The following DAAM2 variants were observed in gnomAD, a reference collection of about 807,000 sequenced individuals.
The protein encoded by DAAM2 is dishevelled associated activator of morphogenesis 2, also known as disheveled-associated activator of morphogenesis 2.
A neutral mutation model predicts 120.7 loss-of-function variants in DAAM2; 39 were observed. The observed-to-expected ratio is 0.32, with a 90% CI of 0.25 to 0.42. DAAM2 has a LOEUF of 0.42. Ranked by LOEUF, DAAM2 falls within the 10% of genes least tolerant of loss-of-function variation. DAAM2 has a pLI of 1.00. For synonymous variants in DAAM2, 488 were observed against 524.9 expected (o/e 0.93, Z 0.96); for missense variants, 1,283 against 1,401.7 (o/e 0.92, Z 1.35).
intron 19 of DAAM2, 97 bp downstream of exon 19, chr6:39,891,819 T>G (rs934948964): frequency 1.1e-6 from 1 of 921,468 alleles, no homozygotes; most frequent in East Asian, 2.7e-5. Context: ...GAAACCCCTT[T>G]CTTATTCTCA....
intron 1 of DAAM2, chr6:39,821,157 C>G (rs561133103): frequency 2.6e-5 from 4 of 152,094 alleles, no homozygotes; most frequent in African/African-American, 7.3e-5. Context: ...TTGGGGCAGG[C>G]TGTCCCTTTA....
At position 39,901,402 on chromosome 6, in the gene DAAM2, C is replaced by G; in HGVS notation, c.2912C>G (p.Ala971Gly). The G allele has an allele frequency of 1.9e-6, 3 of 1,613,666 alleles. No individual in the cohort carries two copies. The highest frequency in any genetic ancestry group is 2.5e-6 in the Non-Finnish European group (3 of 1,179,886). ...ACCTTCTTGCAGGCCTTCTCAGAGG[C>G]CCGGCAGGATCTAGAGGCCATGAGG... ...FDTFLQAFSE[A>G]RQDLEAMRRR... is the part of the protein sequence containing the mutation. The change falls in exon 24 of 25, where the codon GCC (alanine) becomes GGC (glycine). Residue 971 changes from alanine (A) to glycine (G), a missense_variant. Ala to Gly is a moderately conservative substitution (Grantham distance 60, BLOSUM62 0). This residue lies in a region of DAAM2 where 748 missense variants were observed against 768.6 expected (regional missense o/e 0.97). Coordinates refer to ENST00000274867, the MANE Select transcript of DAAM2 (RefSeq NM_001201427.2). This position sits in a 1 kb window ranked among gnomAD's most constrained non-coding sequence, Gnocchi z 4.5.
chr6:39,828,203 C>T (rs1192561614), intron 1 of DAAM2, among the ~76,000 whole-genome samples: 1 of 152,228 alleles, frequency 6.6e-6, no homozygotes, highest in Non-Finnish European at 1.5e-5. Context: ...ATATTCCACA[C>T]ACTGGGTAAT....
chr6:39,867,141 TC>T (rs1423070025), intron 5 of DAAM2, among the ~76,000 whole-genome samples: 3 of 152,254 alleles, frequency 2.0e-5, no homozygotes, highest in Non-Finnish European at 2.9e-5. Context: ...CTGATGGCTT[TC>T]CTATCTGGAA....
chr6:39,900,629 C>T (rs1277639134), intron 23 of DAAM2, among the ~76,000 whole-genome samples: 2 of 152,308 alleles, frequency 1.3e-5, no homozygotes, highest in East Asian at 3.9e-4. Flanking sequence ...ACTAACGTGT[C>T]CATAGACCTC....
intron 1 of DAAM2, among the ~76,000 whole-genome samples, chr6:39,798,038 A>G (rs1311482229): frequency 6.6e-6 from 1 of 152,230 alleles, no homozygotes; most frequent in African/African-American, 2.4e-5. Context: ...GATGTGACAG[A>G]GACTGCATGG....
Position 39,903,137 on chromosome 6 carries a change from G to C in DAAM2, c.*1100G>C, listed in dbSNP as rs1766586499. 1 of 152,242 alleles carries C rather than the reference G, an allele frequency of 6.6e-6. No homozygotes were observed. The highest frequency in any genetic ancestry group is 2.4e-5 in the African/African-American group (1 of 41,454). The allele number at this position is 152,242 out of a possible 1,614,324, so 9.4% of individuals were successfully genotyped here. On this transcript the variant is annotated 3_prime_UTR_variant, in exon 25 of 25. Transcript: ENST00000274867. The stretch of plus-strand genomic sequence containing the variant: ...TGGAACCATGTGTCCACTGGCGTTG[G>C]GGAGTTGGTTCCTGAGAGGTCTGAG...
At chr6:39,874,950 G>T (rs1764809848) in intron 10 of DAAM2, among the ~76,000 whole-genome samples, 1 of 152,134 alleles carries the variant, frequency 6.6e-6, no homozygotes, top group African/African-American at 2.4e-5. Flanking sequence ...CTTCCCTGGA[G>T]ACTTCATTAT....
chr6:39,820,760 A>C (rs1762463150), intron 1 of DAAM2: 1 of 152,248 alleles, frequency 6.6e-6, no homozygotes, highest in Non-Finnish European at 1.5e-5. Flanking sequence ...GCAATTTACT[A>C]TCTCCAGGCC....
intron 1 of DAAM2, among the ~76,000 whole-genome samples, chr6:39,831,282 G>A (rs1762877471): frequency 6.6e-6 from 1 of 152,032 alleles, no homozygotes; most frequent in Non-Finnish European, 1.5e-5. Context: ...ATGAAGGGAA[G>A]GGAGATGGGA....
At chr6:39,899,018 CA>C in intron 22 of DAAM2, 81 bp downstream of exon 22, 1 of 1,021,038 alleles carries the variant, frequency 9.8e-7, no homozygotes, top group Non-Finnish European at 1.4e-6. Context: ...AGCTCCTACA[CA>C]GGGGCAAAAA....
chr6:39,867,416 G>C lies in DAAM2; in HGVS notation c.429-94G>C, dbSNP rs752325231. 36 of 1,212,932 alleles carry C rather than the reference G, an allele frequency of 3.0e-5. No individual in the cohort carries two copies. In the East Asian group the frequency reaches 8.2e-4, roughly 28 times the overall value. The allele number at this position is 1,212,932 out of a possible 1,614,324, so 75.1% of individuals were successfully genotyped here. ...AAGTGGCTACTGTAGGTGGGACAAG[G>C]TGCATGGTGGTACACAGGTAAGGGG... On this transcript the variant is annotated intron_variant, in intron 5 of 24. Coordinates refer to ENST00000274867, the MANE Select transcript of DAAM2 (RefSeq NM_001201427.2).
intron 1 of DAAM2, among the ~76,000 whole-genome samples, chr6:39,817,865 G>T (rs892618497): frequency 6.6e-6 from 1 of 152,050 alleles, no homozygotes; most frequent in African/African-American, 2.4e-5. Context: ...TGATTTAAGT[G>T]TTCATCTCAT....
chr6:39,896,943 C>T lies in DAAM2; in HGVS notation c.2473C>T (p.Leu825Phe), dbSNP rs949037582. 2 of 1,612,698 alleles carry T rather than the reference C, an allele frequency of 1.2e-6. No individual in the cohort carries two copies. The highest frequency in any genetic ancestry group is 2.7e-5 in the African/African-American group (2 of 74,872). ...CGCCTACGGGTTCCGGGTGGCCAGC[C>T]TCAACAAGATCGCTGACACCAAGTC... ...GGAYGFRVAS[L>F]NKIADTKSSI... Residue 825 changes from leucine to phenylalanine, a missense_variant, in exon 20 of 25, where the codon CTC (leucine) becomes TTC (phenylalanine). Physicochemically the swap from Leu to Phe is conservative, Grantham distance 22 (BLOSUM62 0). Coordinates refer to ENST00000274867, the MANE Select transcript of DAAM2 (RefSeq NM_001201427.2).
chr6:39,829,898 C>G (rs1422681193), intron 1 of DAAM2, among the ~76,000 whole-genome samples: 2 of 152,168 alleles, frequency 1.3e-5, no homozygotes, highest in African/African-American at 4.8e-5. Context: ...TGTTCTCCCC[C>G]AAGTTGTTGC....
chr6:39,826,647 A>G (rs1432355392), intron 1 of DAAM2, among the ~76,000 whole-genome samples: 1 of 152,184 alleles, frequency 6.6e-6, no homozygotes, highest in African/African-American at 2.4e-5. Context: ...TCCTTTTGCC[A>G]GTGATTTTTT....
chr6:39,870,261 T>A, intron 7 of DAAM2, 79 bp from the exon 8 acceptor site: 1 of 814,000 alleles, frequency 1.2e-6, no homozygotes. Flanking sequence ...GTGGCTAGGG[T>A]GGTGATGAGG....
chr6:39,824,438 T>C (rs569164801), intron 1 of DAAM2, among the ~76,000 whole-genome samples: 1 of 152,308 alleles, frequency 6.6e-6, no homozygotes, highest in South Asian at 2.1e-4. Flanking sequence ...TGCTCCAGGA[T>C]CAAGTGTCCC....
In DAAM2 at chr6:39,873,197, T is replaced by C. The variant is rs773915019; in HGVS notation, c.1045-41T>C. 3.0e-6 allele frequency: 4 copies of C among 1,338,942 alleles called. No individual in the cohort carries two copies. The Admixed American group carries it at 7.3e-5, about 25-fold the overall frequency. The allele number at this position is 1,338,942 out of a possible 1,614,324, so 82.9% of individuals were successfully genotyped here. A position where few individuals can be genotyped will look rare whatever the true frequency, so the allele number is the denominator to read the frequency against. ...TCTTCTCTCTCCTGCTGACTTCCTCTGCTGCCTACCCACTGATCACTGTGC... is the reference window on the plus strand; with the variant it reads ...TCTTCTCTCTCCTGCTGACTTCCTCCGCTGCCTACCCACTGATCACTGTGC... On this transcript the variant is annotated intron_variant, in intron 9 of 24. Coordinates refer to ENST00000274867, the MANE Select transcript of DAAM2 (RefSeq NM_001201427.2).
Sources: gnomAD v4.1 joint callset for allele counts (sites outside exome capture counted in the v4.1 genomes callset) on GRCh38, gnomAD v4.1.1 for gene constraint, gnomAD v4.1.1 regional missense constraint, Gnocchi (gnomAD v3.1) non-coding constraint, MANE v1.5 for transcripts, NCBI Gene and HGNC (gene_info 2026-07-23, HGNC 2026-07-21) for gene names.